Variants in TBC1D1 observed in about 807,000 individuals in gnomAD.
The protein encoded by TBC1D1 is TBC1 (tre-2/USP6, BUB2, cdc16) domain family, member 1.
In TBC1D1, 89 loss-of-function variants were observed where a neutral mutation model predicts 125.6. The ratio of observed to expected loss-of-function variants is 0.71; its 90% CI spans 0.60 to 0.85. The LOEUF is 0.85. TBC1D1 is among the 40% of genes least tolerant of loss of function. The pLI is 0.00. For missense variants in TBC1D1, 1,377 were observed against 1,469.2 expected, an observed-to-expected ratio of 0.94 and a Z score of 1.03; for synonymous variants, 565 against 564.1, an observed-to-expected ratio of 1.00 and a Z score of -0.02.
intron 14 of TBC1D1, among the ~76,000 whole-genome samples, chr4:38,100,981 A>T (rs1760213543): frequency 6.6e-6 from 1 of 152,198 alleles, no homozygotes; most frequent in Non-Finnish European, 1.5e-5. Flanking sequence ...GCTGTCACTC[A>T]CCGGCCTAAT....
chr4:38,064,194 C>A lies in TBC1D1; in HGVS notation c.2050+9856C>A, dbSNP rs151017717. ...TCTTTTTTAATGACTTATTAATATTCCGTTGTATAGAGACATCACATATGG... is the reference window on the plus strand; with the variant it reads ...TCTTTTTTAATGACTTATTAATATTACGTTGTATAGAGACATCACATATGG... On this transcript the variant is annotated intron_variant, in intron 12 of 19. Coordinates refer to ENST00000261439, the MANE Select transcript of TBC1D1 (RefSeq NM_015173.4). Among the ~76,000 whole-genome samples the A allele has an allele frequency of 3.6e-3, 553 of 152,252 alleles. 2 individuals carry two copies. The highest frequency in any genetic ancestry group is 0.012 in the African/African-American group (515 of 41,524).
intron 11 of TBC1D1, among the ~76,000 whole-genome samples, chr4:38,052,726 G>GCACACACA (rs1246402585): frequency 2.3e-4 from 16 of 69,010 alleles, no homozygotes; most frequent in East Asian, 2.2e-3. Flanking sequence ...GCGCGCGCGC[G>GCACACACA]CGCACACACA....
intron 14 of TBC1D1, among the ~76,000 whole-genome samples, chr4:38,102,606 A>G (rs563265025): frequency 1.3e-5 from 2 of 152,258 alleles, no homozygotes; most frequent in African/African-American, 4.8e-5. Context: ...GTGGCCAGGC[A>G]TGATGGCTCA....
rs143796726 is a variant in TBC1D1, at chr4:37,965,199, G to A, written c.418-49310G>A. 4.3e-3 allele frequency among the ~76,000 whole-genome samples: 651 copies of A among 152,310 alleles called. 5 individuals carry two copies. The highest frequency in any genetic ancestry group is 0.015 in the African/African-American group (624 of 41,556). On this transcript the variant is annotated intron_variant, in intron 2 of 19. Transcript: ENST00000261439. ...AAGTGGTTAAGTTGGCAGAGTGCCT[G>A]GGCCTGATTCTGGTTTTCTCCTTTC...
chr4:38,010,684 C>G (rs1228192910), intron 2 of TBC1D1, among the ~76,000 whole-genome samples: 1 of 152,210 alleles, frequency 6.6e-6, no homozygotes, highest in East Asian at 1.9e-4. Context: ...TATCCTCAGC[C>G]CCCTATCCAG....
intron 2 of TBC1D1, among the ~76,000 whole-genome samples, chr4:37,982,994 G>A (rs931017775): frequency 1.3e-5 from 2 of 152,326 alleles, no homozygotes; most frequent in East Asian, 3.9e-4. Flanking sequence ...GGCCTGGAGC[G>A]AGACTGCTGG....
At chr4:38,117,109 C>T (rs935210785) in intron 16 of TBC1D1, among the ~76,000 whole-genome samples, 13 of 152,182 alleles carry the variant, frequency 8.5e-5, no homozygotes, top group African/African-American at 2.9e-4. Flanking sequence ...ACACACAACT[C>T]TTTTGGGGTG....
intron 17 of TBC1D1, among the ~76,000 whole-genome samples, chr4:38,122,709 G>A (rs1256094317): frequency 6.6e-6 from 1 of 152,196 alleles, no homozygotes; most frequent in African/African-American, 2.4e-5. Flanking sequence ...TGTATTAGAT[G>A]CTCAATAGAT....
At chr4:38,099,975 T>G (rs1295719038) in intron 14 of TBC1D1, among the ~76,000 whole-genome samples, 1 of 152,242 alleles carries the variant, frequency 6.6e-6, no homozygotes, top group Non-Finnish European at 1.5e-5. Flanking sequence ...ATTGGACATT[T>G]CATAACTTGG....
At chr4:38,052,724 G>GTGCA (rs1362899510) in intron 11 of TBC1D1, among the ~76,000 whole-genome samples, 5 of 59,962 alleles carry the variant, frequency 8.3e-5, no homozygotes, top group Admixed American at 2.1e-4. Flanking sequence ...GCGCGCGCGC[G>GTGCA]CGCGCACACA....
chr4:37,957,709 C>T (rs1483091498), intron 2 of TBC1D1, among the ~76,000 whole-genome samples: 5 of 152,190 alleles, frequency 3.3e-5, no homozygotes, highest in Non-Finnish European at 7.4e-5. Flanking sequence ...TTTTATCCTA[C>T]ACCACTTTTT....
chr4:38,035,760 C>T (rs1001414197), intron 8 of TBC1D1, 62 bp downstream of exon 8: 45 of 1,240,022 alleles, frequency 3.6e-5, no homozygotes, highest in African/African-American at 6.1e-5. Context: ...GTATAAACAA[C>T]GTTTTGAGGA....
At chr4:37,900,944 T>G (rs1715837301) in intron 1 of TBC1D1, among the ~76,000 whole-genome samples, 1 of 151,614 alleles carries the variant, frequency 6.6e-6, no homozygotes, top group Admixed American at 6.6e-5. Flanking sequence ...TGGTGGTGCA[T>G]GCCTGTAATC....
intron 12 of TBC1D1, among the ~76,000 whole-genome samples, chr4:38,066,325 ATATT>A (rs1191749888): frequency 1.5e-5 from 2 of 129,636 alleles, no homozygotes; most frequent in African/African-American, 5.9e-5. Context: ...TATGTTATTT[ATATT>A]TATTTATTTG....
intron 16 of TBC1D1, among the ~76,000 whole-genome samples, chr4:38,117,548 G>C (rs139625017): frequency 1.1e-4 from 17 of 152,266 alleles, no homozygotes; most frequent in Middle Eastern, 3.4e-3. Context: ...TGCTTCTCCT[G>C]CCTATTGAGT....
intron 12 of TBC1D1, among the ~76,000 whole-genome samples, chr4:38,083,505 C>T (rs183581175): frequency 3.3e-5 from 5 of 152,340 alleles, no homozygotes; most frequent in African/African-American, 1.2e-4. Context: ...AAACTGACAA[C>T]AATGATGGTA....
intron 8 of TBC1D1, 108 bp downstream of exon 8, chr4:38,035,806 GT>G: frequency 1.2e-6 from 1 of 809,706 alleles, no homozygotes; most frequent in African/African-American, 1.8e-5. Context: ...TTCTCCCTAT[GT>G]TTTATTTTCC....
At chr4:37,955,968 C>T (rs909415096) in intron 2 of TBC1D1, among the ~76,000 whole-genome samples, 10 of 151,652 alleles carry the variant, frequency 6.6e-5, no homozygotes, top group African/African-American at 2.2e-4. Flanking sequence ...GAGACCTTGT[C>T]TCTATTTAAA....
intron 2 of TBC1D1, among the ~76,000 whole-genome samples, chr4:37,914,792 T>G (rs149450730): frequency 6.6e-6 from 1 of 152,204 alleles, no homozygotes; most frequent in Non-Finnish European, 1.5e-5. Flanking sequence ...GACAACCTCA[T>G]TCTTCACCTG....
Sources: allele counts gnomAD v4.1 joint callset (sites outside exome capture counted in the v4.1 genomes callset), GRCh38; gene constraint gnomAD v4.1.1; transcripts MANE v1.5; gene names NCBI Gene and HGNC (gene_info 2026-07-23, HGNC 2026-07-21).